Variants in TRMT9B observed in about 807,000 individuals in gnomAD.
The protein encoded by TRMT9B is probable tRNA methyltransferase 9B.
Under a neutral mutation model 11.5 loss-of-function variants are expected in TRMT9B, and 16 were observed. The ratio of observed to expected loss-of-function variants is 1.39; its 90% CI spans 0.94 to 2.11. TRMT9B has a LOEUF of 2.11. Among genes scored for constraint, TRMT9B ranks in the 30% most tolerant of loss-of-function variants. The probability of loss-of-function intolerance (pLI) is 0.00; values close to 1 mark genes in which losing one functional copy is unlikely to be tolerated. For synonymous variants in TRMT9B, 274 were observed against 192.4 expected (o/e 1.42, Z -3.51); for missense variants, 941 against 553.8 (o/e 1.70, Z -7.02).
At chr8:13,011,324 C>G in intron 3 of TRMT9B, 9 of 985,278 alleles carry the variant, frequency 9.1e-6, no homozygotes, top group Non-Finnish European at 1.1e-5. Context: ...TCCACTGTCT[C>G]AGCTGGCATT....
At chr8:12,976,457 G>T (rs1441404512) in intron 1 of TRMT9B, among the ~76,000 whole-genome samples, 1 of 151,784 alleles carries the variant, frequency 6.6e-6, no homozygotes, top group East Asian at 1.9e-4. Context: ...CATAGCATAT[G>T]GGCCGGGTGC....
At chr8:12,992,230 A>G (rs1433904278) in intron 2 of TRMT9B, among the ~76,000 whole-genome samples, 1 of 152,196 alleles carries the variant, frequency 6.6e-6, no homozygotes, top group Admixed American at 6.5e-5. Context: ...GAGATATATA[A>G]AAACATCACA....
In TRMT9B at chr8:13,023,620, A is replaced by G. The variant is rs1025270369; in HGVS notation, c.*1576A>G. On this transcript the variant is annotated 3_prime_UTR_variant, in exon 5 of 5. Transcript: ENST00000524591. ...CAGAAATAAGTTGACCCAGGAGTAC[A>G]GTCTCAAGTAGTTCATTAATGAGAA... 4.8e-5 allele frequency: 8 copies of G among 167,268 alleles called. No homozygotes were observed. The highest frequency in any genetic ancestry group is 1.3e-4 in the Admixed American group (2 of 15,314). 10.4% of individuals were successfully genotyped at this position (167,268 alleles called of 1,614,324 possible). A position where few individuals can be genotyped will look rare whatever the true frequency, so the allele number is the denominator to read the frequency against.
chr8:12,998,571 G>C (rs562994381), intron 2 of TRMT9B, among the ~76,000 whole-genome samples: 2 of 152,294 alleles, frequency 1.3e-5, no homozygotes, highest in East Asian at 3.9e-4. Context: ...CTATTACCCT[G>C]GCCTCTGTGC....
At chr8:12,946,754 G>A (rs550175288) in intron 1 of TRMT9B, among the ~76,000 whole-genome samples, 9 of 152,340 alleles carry the variant, frequency 5.9e-5, no homozygotes, top group Middle Eastern at 3.4e-3. Context: ...GAGAAATGAT[G>A]AGACTTGGCA....
intron 2 of TRMT9B, among the ~76,000 whole-genome samples, chr8:12,991,661 A>G (rs1233627010): frequency 2.0e-5 from 3 of 152,160 alleles, no homozygotes; most frequent in Non-Finnish European, 4.4e-5. Context: ...GGCTGGGCGC[A>G]TTGGCTCATG....
chr8:13,011,352 C>T, intron 3 of TRMT9B: 1 of 985,220 alleles, frequency 1.0e-6, no homozygotes, highest in East Asian at 1.1e-4. Context: ...CTTAAGTTTG[C>T]TTTTACTGTA....
intron 1 of TRMT9B, among the ~76,000 whole-genome samples, chr8:12,977,562 G>A (rs943006330): frequency 6.6e-6 from 1 of 152,094 alleles, no homozygotes; most frequent in Non-Finnish European, 1.5e-5. Flanking sequence ...TTAGCTGGGC[G>A]TGGTGGCACA....
intron 1 of TRMT9B, among the ~76,000 whole-genome samples, chr8:12,947,219 C>T (rs1352677607): frequency 1.3e-5 from 2 of 152,202 alleles, no homozygotes; most frequent in Non-Finnish European, 2.9e-5. Flanking sequence ...TATTTTGTCT[C>T]CAGTCTCCTA....
At chr8:13,009,553 A>G (rs578020203) in intron 3 of TRMT9B, among the ~76,000 whole-genome samples, 2 of 152,148 alleles carry the variant, frequency 1.3e-5, no homozygotes. Flanking sequence ...AGCTTCTTGT[A>G]TGATCTTTTT....
intron 4 of TRMT9B, among the ~76,000 whole-genome samples, chr8:13,016,253 T>C (rs1049876959): frequency 6.8e-6 from 1 of 146,262 alleles, no homozygotes; most frequent in Non-Finnish European, 1.5e-5. Context: ...AAAATATAAA[T>C]GTGAAATATA....
chr8:13,012,662 A>G, intron 3 of TRMT9B, 22 bp from the exon 4 acceptor site: 2 of 1,597,446 alleles, frequency 1.3e-6, no homozygotes, highest in Non-Finnish European at 1.7e-6. Context: ...GATAGCATGT[A>G]ACGCAGGTTT....
intron 3 of TRMT9B, chr8:13,006,590 T>C: frequency 7.1e-7 from 1 of 1,410,326 alleles, no homozygotes; most frequent in Non-Finnish European, 9.2e-7. Flanking sequence ...GGCATGCCAG[T>C]ACCTAGAATA....
At chr8:12,981,996 A>C (rs1416174234) in intron 1 of TRMT9B, among the ~76,000 whole-genome samples, 1 of 152,164 alleles carries the variant, frequency 6.6e-6, no homozygotes, top group African/African-American at 2.4e-5. Context: ...TGACCTCCTA[A>C]ATTTTATGAG....
rs938181604 is a variant in TRMT9B, at chr8:12,975,361, C to G, written c.-199-15473C>G. Among the ~76,000 whole-genome samples the G allele has an allele frequency of 2.3e-4, 35 of 152,012 alleles. 1 individual carries two copies. Among genetic ancestry groups the G allele is most frequent in the Non-Finnish European group, 8.8e-5 (6 of 68,020 alleles). On this transcript the variant is annotated intron_variant, in intron 1 of 4. Coordinates refer to ENST00000524591, the MANE Select transcript of TRMT9B (RefSeq NM_020844.3). ...CATGTAATTGTTGAACATATATAGA[C>G]TGACCCCAGAATAAAATTTAGAACT... is the stretch of plus-strand genomic sequence containing the variant.
chr8:13,006,448 C>A, intron 3 of TRMT9B, 92 bp downstream of exon 3: 2 of 1,561,896 alleles, frequency 1.3e-6, no homozygotes, highest in South Asian at 1.2e-5. Flanking sequence ...ACATAGGTAA[C>A]CAGGCAGCCT....
chr8:12,948,166 C>T (rs561828043), intron 1 of TRMT9B, among the ~76,000 whole-genome samples: 67 of 152,212 alleles, frequency 4.4e-4, no homozygotes, highest in African/African-American at 1.5e-3. Context: ...TTTAGCTTAG[C>T]CTTAAAATGT....
At position 13,028,382 on chromosome 8, in the gene TRMT9B, C is replaced by T. The variant is rs1447663730; in HGVS notation, c.*6338C>T. On this transcript the variant is annotated 3_prime_UTR_variant, in exon 5 of 5. Transcript: ENST00000524591. ...ACCCAATTAATCATTAATACATCCACAGGAAAAATACATTTTCTCCACATG... is the reference window on the plus strand; with the variant it reads ...ACCCAATTAATCATTAATACATCCATAGGAAAAATACATTTTCTCCACATG... 1 of 166,966 alleles carries T rather than the reference C, an allele frequency of 6.0e-6. No individual in the cohort carries two copies. Among genetic ancestry groups the T allele is most frequent in the Non-Finnish European group, 1.5e-5 (1 of 68,102 alleles). The allele number at this position is 166,966 out of a possible 1,614,324, so 10.3% of individuals were successfully genotyped here. A position where few individuals can be genotyped will look rare whatever the true frequency, so the allele number is the denominator to read the frequency against.
intron 4 of TRMT9B, among the ~76,000 whole-genome samples, chr8:13,018,085 A>G (rs1258881224): frequency 2.9e-5 from 4 of 136,634 alleles, no homozygotes; most frequent in African/African-American, 8.3e-5. Context: ...AAATGAATAA[A>G]TAAGGACTTT....
Sources: gnomAD v4.1 joint callset for allele counts (sites outside exome capture counted in the v4.1 genomes callset) on GRCh38, gnomAD v4.1.1 for gene constraint, MANE v1.5 for transcripts, NCBI Gene and HGNC (gene_info 2026-07-23, HGNC 2026-07-21) for gene names.